CABIN1: variants seen among roughly 807,000 people sequenced by gnomAD.
CABIN1 encodes calcineurin binding protein 1.
A neutral mutation model predicts 227.7 loss-of-function variants in CABIN1; 133 were observed. The ratio of observed to expected loss-of-function variants is 0.58; its 90% CI spans 0.51 to 0.67. CABIN1 has a LOEUF of 0.67. CABIN1 is among the 30% of genes least tolerant of loss of function. The pLI, the probability that CABIN1 is intolerant of heterozygous loss-of-function variation, is 0.00. For missense variants in CABIN1, 2,408 were observed against 2,852.5 expected (o/e 0.84, Z 3.55); for synonymous variants, 1,086 against 1,155.1 (o/e 0.94, Z 1.21).
Position 24,177,920 on chromosome 22 carries a change from G to A in CABIN1, c.6519+103G>A, listed in dbSNP as rs958402479. On this transcript the variant is annotated intron_variant, in intron 36 of 36. Transcript: ENST00000263119. The surrounding 1 kb of genome is among the most constrained non-coding windows in gnomAD (Gnocchi z 4.4). ...GGTGGCAGGAGGGCCTGGGGTGTGG[G>A]TGAGGATGGCATAGGGGCCTGGGGC... 6 of 1,467,602 alleles carry A rather than the reference G, an allele frequency of 4.1e-6. No homozygotes were observed. In the African/African-American group the frequency reaches 8.4e-5, roughly 21 times the overall value. 90.9% of individuals were successfully genotyped at this position (1,467,602 alleles called of 1,614,324 possible). A position where few individuals can be genotyped will look rare whatever the true frequency, so the allele number is the denominator to read the frequency against.
At chr22:24,042,879 T>TGC (rs1295547261) in intron 5 of CABIN1, 25 bp from the exon 6 acceptor site, 6 of 1,450,182 alleles carry the variant, frequency 4.1e-6, no homozygotes, top group Non-Finnish European at 9.5e-7. Flanking sequence ...TGTGTGTGTT[T>TGC]GCCCTCTGCT....
chr22:24,176,084 A>G, intron 34 of CABIN1, 27 bp from the exon 35 acceptor site: 1 of 1,604,182 alleles, frequency 6.2e-7, no homozygotes, highest in African/African-American at 1.3e-5. Flanking sequence ...TGAGTCTATT[A>G]CCTGCAGTGA....
In CABIN1 at chr22:24,152,869, GA is replaced by G. The variant is rs201172098; in HGVS notation, c.4747-11529del. On this transcript the variant is annotated intron_variant, in intron 29 of 36. Transcript: ENST00000263119. ...GGCGGCTGAGGCAGGAGAATTGCTT[GA>G]ACCCACGAGACAGAGGTTGCAGTGA... Among the ~76,000 whole-genome samples, 1,449 of 152,008 alleles carry G rather than the reference GA, an allele frequency of 9.5e-3. 28 individuals carry two copies. The highest frequency in any genetic ancestry group is 0.033 in the African/African-American group (1,362 of 41,434).
At chr22:24,125,223 AG>A (rs962736695) in intron 28 of CABIN1, among the ~76,000 whole-genome samples, 6 of 152,302 alleles carry the variant, frequency 3.9e-5, no homozygotes, top group Admixed American at 3.3e-4. Flanking sequence ...GACTCCTGCC[AG>A]GGGGGCCCCA....
chr22:24,085,699 G>T (rs2041112026), intron 22 of CABIN1, among the ~76,000 whole-genome samples: 1 of 152,244 alleles, frequency 6.6e-6, no homozygotes, highest in South Asian at 2.1e-4. Flanking sequence ...GTGGAACCCT[G>T]TTTGGCTTTC....
chr22:24,101,076 G>C (rs952586884), intron 26 of CABIN1, among the ~76,000 whole-genome samples: 5 of 152,152 alleles, frequency 3.3e-5, no homozygotes, highest in Admixed American at 6.5e-5. Flanking sequence ...CTCCTGAGTG[G>C]GCTTGGGCAT....
At chr22:24,069,556 A>G (rs2039940344) in intron 16 of CABIN1, among the ~76,000 whole-genome samples, 1 of 152,108 alleles carries the variant, frequency 6.6e-6, no homozygotes, top group South Asian at 2.1e-4. Flanking sequence ...GGTTGCATTT[A>G]GTAGTCTTTA....
rs538778190 is a variant in CABIN1 at position 24,085,269 on chromosome 22, G to C, written c.3263+118G>C. 40 of 1,107,090 alleles carry C rather than the reference G, an allele frequency of 3.6e-5. No homozygotes were observed. In the South Asian group the frequency reaches 5.0e-4, roughly 14 times the overall value. 68.6% of individuals were successfully genotyped at this position (1,107,090 alleles called of 1,614,324 possible). On this transcript the variant is annotated intron_variant, in intron 22 of 36. Transcript: ENST00000263119. ...CCCTGTCCATTGCAAAGAGACCAGG[G>C]AAAACGGAATGAGAGGGTGGTTTAG...
chr22:24,117,695 A>T (rs1014329216), intron 27 of CABIN1, among the ~76,000 whole-genome samples: 1 of 151,878 alleles, frequency 6.6e-6, no homozygotes, highest in Non-Finnish European at 1.5e-5. Context: ...TGTTCTAAGG[A>T]CTCTGGCTGA....
In CABIN1 at chr22:24,054,885, C is replaced by T. The variant is rs773864014; in HGVS notation, c.819C>T (p.Leu273=). ...QPIPFFTWKC[L]GESLLAMYNH... is the part of the protein sequence containing the mutation. The stretch of plus-strand genomic sequence containing the variant: ...CCTCTCCCTTTAGCTGGAAGTGCCT[C>T]GGAGAGAGCTTGCTGGCCATGTACA... The change falls in exon 9 of 37, where the codon CTC becomes CTT. Residue 273 remains leucine (L), a synonymous_variant. Coordinates refer to ENST00000263119, the MANE Select transcript of CABIN1 (RefSeq NM_012295.4). The T allele has an allele frequency of 2.7e-5, 44 of 1,614,018 alleles. No individual in the cohort carries two copies. The highest frequency in any genetic ancestry group is 3.6e-5 in the Non-Finnish European group (42 of 1,180,012).
At chr22:24,132,040 T>TTA (rs1365407726) in intron 28 of CABIN1, among the ~76,000 whole-genome samples, 1 of 150,814 alleles carries the variant, frequency 6.6e-6, no homozygotes, top group East Asian at 1.9e-4. Flanking sequence ...CCACCCTGGG[T>TTA]TACGGAGTGA....
intron 28 of CABIN1, among the ~76,000 whole-genome samples, chr22:24,124,454 A>G (rs185779385): frequency 2.6e-4 from 39 of 152,324 alleles, no homozygotes; most frequent in Admixed American, 5.2e-4. Flanking sequence ...CAAGGTTGGC[A>G]CTGCTGCACA....
chr22:24,053,604 C>A lies in CABIN1; in HGVS notation c.807-1269C>A, dbSNP rs146294950. Among the ~76,000 whole-genome samples, 371 of 152,170 alleles carry A rather than the reference C, an allele frequency of 2.4e-3. 2 individuals carry two copies. The highest frequency in any genetic ancestry group is 9.3e-3 in the South Asian group (45 of 4,816). ...ATGTTGGTCAGGCAGGTCTCGAACT[C>A]CTGACCTTAGGTGATCTACCCGCCT... is the stretch of plus-strand genomic sequence containing the variant. On this transcript the variant is annotated intron_variant, in intron 8 of 36. Transcript: ENST00000263119.
intron 1 of CABIN1, among the ~76,000 whole-genome samples, chr22:24,021,885 A>C (rs916259188): frequency 4.6e-5 from 7 of 151,982 alleles, no homozygotes; most frequent in African/African-American, 1.7e-4. Context: ...GGGTTTCACC[A>C]TGTTGGCCAG....
At chr22:24,120,320 G>A (rs927699657) in intron 28 of CABIN1, among the ~76,000 whole-genome samples, 7 of 152,192 alleles carry the variant, frequency 4.6e-5, no homozygotes, top group Non-Finnish European at 8.8e-5. Context: ...CTTAACAGCT[G>A]TGCCCCAGGC....
At chr22:24,159,562 G>T (rs2046032546) in intron 29 of CABIN1, among the ~76,000 whole-genome samples, 1 of 152,190 alleles carries the variant, frequency 6.6e-6, no homozygotes, top group Non-Finnish European at 1.5e-5. Context: ...GCAGCGCCCA[G>T]GCAGCTCCTT....
chr22:24,172,924 G>A (rs773330948), intron 34 of CABIN1, among the ~76,000 whole-genome samples: 8 of 152,178 alleles, frequency 5.3e-5, no homozygotes, highest in Non-Finnish European at 1.0e-4. Flanking sequence ...ATGTGGCCAG[G>A]CTCTGAAGGC....
chr22:24,105,522 C>CTGT (rs1348742132), intron 26 of CABIN1, among the ~76,000 whole-genome samples: 1 of 152,150 alleles, frequency 6.6e-6, no homozygotes, highest in East Asian at 1.9e-4. Flanking sequence ...TTCTTCTTTC[C>CTGT]TGTTGGCCTC....
intron 19 of CABIN1, among the ~76,000 whole-genome samples, chr22:24,079,561 A>G (rs1004754073): frequency 9.9e-5 from 15 of 152,200 alleles, no homozygotes; most frequent in African/African-American, 3.4e-4. Flanking sequence ...AGCCCTAGGT[A>G]CAGTAGACTT....
Sources: gnomAD v4.1 joint callset for allele counts (sites outside exome capture counted in the v4.1 genomes callset) on GRCh38, gnomAD v4.1.1 for gene constraint, Gnocchi (gnomAD v3.1) non-coding constraint, MANE v1.5 for transcripts, NCBI Gene and HGNC (gene_info 2026-07-23, HGNC 2026-07-21) for gene names.